The following ASTN2 variants were observed in gnomAD, a reference collection of about 807,000 sequenced individuals.
ASTN2 encodes astrotactin-2.
ASTN2 carries 54 observed loss-of-function variants against 139.8 expected under a neutral mutation model. The ratio of observed to expected loss-of-function variants is 0.39; its 90% CI spans 0.31 to 0.48. The LOEUF is 0.48. Among genes scored for constraint, ASTN2 ranks in the 20% least tolerant of loss-of-function variants. The pLI, the probability that ASTN2 is intolerant of heterozygous loss-of-function variation, is 0.95. For synonymous variants in ASTN2, 756 were observed against 719.5 expected, an observed-to-expected ratio of 1.05 and a Z score of -0.81; for missense variants, 1,565 against 1,725.1, an observed-to-expected ratio of 0.91 and a Z score of 1.64.
intron 5 of ASTN2, among the ~76,000 whole-genome samples, chr9:117,093,394 A>T (rs1484813597): frequency 6.6e-6 from 1 of 152,118 alleles, no homozygotes; most frequent in Admixed American, 6.5e-5. Flanking sequence ...CAACTTAGGG[A>T]ATTGATGCAC....
chr9:117,189,309 G>A (rs1014121031), intron 3 of ASTN2, among the ~76,000 whole-genome samples: 3 of 152,140 alleles, frequency 2.0e-5, no homozygotes, highest in African/African-American at 7.2e-5. Flanking sequence ...AATCTCCTAT[G>A]ATGAGTCAAG....
chr9:116,569,717 G>C (rs1853413533), intron 19 of ASTN2, among the ~76,000 whole-genome samples: 1 of 152,166 alleles, frequency 6.6e-6, no homozygotes, highest in Non-Finnish European at 1.5e-5. Flanking sequence ...GGCTCATATG[G>C]TAGGCTGCGT....
At chr9:116,826,587 T>C (rs2132277907) in intron 11 of ASTN2, among the ~76,000 whole-genome samples, 1 of 152,174 alleles carries the variant, frequency 6.6e-6, no homozygotes, top group South Asian at 2.1e-4. Context: ...TGAGTCCCAG[T>C]GGGTTGCTCT....
chr9:116,885,864 C>T (rs1833582758), intron 10 of ASTN2, among the ~76,000 whole-genome samples: 1 of 150,022 alleles, frequency 6.7e-6, no homozygotes, highest in African/African-American at 2.5e-5. Context: ...GCATGTCCAT[C>T]CATTCATTTA....
intron 16 of ASTN2, among the ~76,000 whole-genome samples, chr9:116,720,737 T>C (rs987583567): frequency 6.6e-6 from 1 of 152,178 alleles, no homozygotes; most frequent in Non-Finnish European, 1.5e-5. Context: ...AAAAAACTTA[T>C]TATATTTCTA....
chr9:116,523,069 GA>G (rs1850944504), intron 19 of ASTN2, among the ~76,000 whole-genome samples: 1 of 152,048 alleles, frequency 6.6e-6, no homozygotes, highest in African/African-American at 2.4e-5. Flanking sequence ...GAAAAATCTA[GA>G]AGTCAAAACA....
chr9:116,487,675 G>C (rs1375343619), intron 19 of ASTN2, among the ~76,000 whole-genome samples, 175 bp from the exon 20 acceptor site: 1 of 152,096 alleles, frequency 6.6e-6, no homozygotes, highest in Non-Finnish European at 1.5e-5. Flanking sequence ...ATGACTCTTT[G>C]TTCATATTTA....
chr9:117,033,273 A>G (rs577439626), intron 6 of ASTN2, among the ~76,000 whole-genome samples: 1 of 152,108 alleles, frequency 6.6e-6, no homozygotes, highest in Non-Finnish European at 1.5e-5. Flanking sequence ...GTGGTCATCT[A>G]TTCTCAGGAG....
At chr9:117,134,268 A>T (rs984118495) in intron 4 of ASTN2, among the ~76,000 whole-genome samples, 3 of 56,280 alleles carry the variant, frequency 5.3e-5, no homozygotes, top group South Asian at 8.0e-4. Flanking sequence ...AATGAAAATT[A>T]TATATATATA....
intron 3 of ASTN2, among the ~76,000 whole-genome samples, chr9:117,196,845 C>T (rs770213108): frequency 1.8e-4 from 28 of 152,148 alleles, no homozygotes; most frequent in Non-Finnish European, 3.5e-4. Context: ...AATATAAGAA[C>T]AGTCAGTTTG....
At chr9:117,084,376 C>G in intron 5 of ASTN2, among the ~76,000 whole-genome samples, 2 of 152,272 alleles carry the variant, frequency 1.3e-5, no homozygotes, top group Admixed American at 1.3e-4. Context: ...AACATTTGAG[C>G]AAGAGTTACG....
At chr9:117,302,062 G>A (rs1283705328) in intron 1 of ASTN2, among the ~76,000 whole-genome samples, 2 of 119,582 alleles carry the variant, frequency 1.7e-5, no homozygotes, top group Admixed American at 1.1e-4. Flanking sequence ...AAGGCAAGAA[G>A]CACCTGGTTG....
At chr9:117,320,881 A>C (rs1412003037) in intron 1 of ASTN2, among the ~76,000 whole-genome samples, 1 of 152,210 alleles carries the variant, frequency 6.6e-6, no homozygotes, top group Non-Finnish European at 1.5e-5. Flanking sequence ...GACAAATGTG[A>C]TGGCACAGAT....
chr9:116,976,729 C>T lies in ASTN2; in HGVS notation c.1648G>A (p.Val550Met), dbSNP rs1836351186. The T allele has an allele frequency of 6.2e-7, 1 of 1,614,138 alleles. No homozygotes were observed. Among genetic ancestry groups the T allele is most frequent in the Non-Finnish European group, 8.5e-7 (1 of 1,179,988 alleles). The change falls in exon 8 of 23, where the codon GTG becomes ATG. Residue 550 changes from valine to methionine, a missense_variant. This residue lies in a region of ASTN2 where 503 missense variants were observed against 591.7 expected (regional missense o/e 0.85). Transcript: ENST00000313400. ...TCACTCTGTCCCCAGTCACTGCGCACACACAGGTGTCTGTGAACAGGGTCA... is the reference window on the plus strand; with the variant it reads ...TCACTCTGTCCCCAGTCACTGCGCATACACAGGTGTCTGTGAACAGGGTCA... ...APDPVHRHLC[V>M]RSDWGQSEGP...
intron 2 of ASTN2, among the ~76,000 whole-genome samples, chr9:117,268,476 T>C (rs533450691): frequency 1.8e-4 from 28 of 152,306 alleles, no homozygotes; most frequent in African/African-American, 4.6e-4. Flanking sequence ...TTAATCACTC[T>C]GGCTAGAAGT....
At chr9:117,012,832 C>A (rs558643818) in intron 6 of ASTN2, among the ~76,000 whole-genome samples, 4 of 152,190 alleles carry the variant, frequency 2.6e-5, no homozygotes, top group Non-Finnish European at 4.4e-5. Context: ...GCAAGGCACT[C>A]CACTCAAGTA....
At chr9:117,269,001 G>A (rs1207820757) in intron 2 of ASTN2, among the ~76,000 whole-genome samples, 1 of 152,244 alleles carries the variant, frequency 6.6e-6, no homozygotes, top group South Asian at 2.1e-4. Context: ...TGGCTGTGGT[G>A]AATTAAGTAG....
intron 22 of ASTN2, among the ~76,000 whole-genome samples, chr9:116,440,110 T>C (rs1044754386): frequency 2.0e-5 from 3 of 152,198 alleles, no homozygotes; most frequent in African/African-American, 7.2e-5. Context: ...GTGACTGGCA[T>C]GCAGGACAAA....
At chr9:116,833,717 T>A (rs1239036258) in intron 11 of ASTN2, among the ~76,000 whole-genome samples, 2 of 152,206 alleles carry the variant, frequency 1.3e-5, no homozygotes, top group African/African-American at 4.8e-5. Flanking sequence ...ACTTTCTAAG[T>A]ATTTGAAGAT....
Sources: gnomAD v4.1 joint callset for allele counts (sites outside exome capture counted in the v4.1 genomes callset) on GRCh38, gnomAD v4.1.1 for gene constraint, gnomAD v4.1.1 regional missense constraint, MANE v1.5 for transcripts, NCBI Gene and HGNC (gene_info 2026-07-23, HGNC 2026-07-21) for gene names.